Variants in CLN8 observed in about 807,000 individuals in gnomAD.
The protein encoded by CLN8 is CLN8 transmembrane ER and ERGIC protein.
Under a neutral mutation model 15.7 loss-of-function variants are expected in CLN8, and 14 were observed. The observed-to-expected ratio is 0.89, with a 90% CI of 0.59 to 1.39. CLN8 has a LOEUF of 1.39. CLN8 is among the 40% of genes most tolerant of loss of function. CLN8 has a pLI of 0.00. For missense variants in CLN8, 415 were observed against 364.0 expected (o/e 1.14, Z -1.14); for synonymous variants, 188 against 151.0 (o/e 1.25, Z -1.80).
At chr8:1,759,539 G>C (rs374989608), upstream of CLN8, 8 of 152,178 alleles carry the variant, frequency 5.3e-5, no homozygotes, top group African/African-American at 1.9e-4. Flanking sequence ...CAGGGGCGGG[G>C]AACTGTCACT....
chr8:1,755,821 T>C (rs2130943343), exon 1 of CLN8: 1 of 152,302 alleles, frequency 6.6e-6, no homozygotes, highest in South Asian at 2.1e-4. Flanking sequence ...ATGAGTCAGC[T>C]CCGCTTGTCC....
chr8:1,763,352 T>C (rs1294720226), upstream of CLN8: 1 of 86,422 alleles, frequency 1.2e-5, no homozygotes, highest in Admixed American at 1.4e-4. Flanking sequence ...CCGCCGGCCG[T>C]GGTTCAGCGC....
At chr8:1,774,488 G>C (rs986735716) in intron 2 of CLN8, among the ~76,000 whole-genome samples, 1 of 152,146 alleles carries the variant, frequency 6.6e-6, no homozygotes, top group African/African-American at 2.4e-5. Context: ...ATAGATTCTT[G>C]CATAGTAGTA....
chr8:1,769,303 G>A (rs1174570161), intron 1 of CLN8, among the ~76,000 whole-genome samples: 2 of 152,204 alleles, frequency 1.3e-5, no homozygotes, highest in African/African-American at 2.4e-5. Flanking sequence ...TCCTTGGGGT[G>A]TGGTCACAGC....
rs573279536 is a variant in CLN8, at chr8:1,770,879, G to T, written c.-123-53G>T. On this transcript the variant is annotated intron_variant, in intron 1 of 2. Transcript: ENST00000331222. ...TTAATGTTTGCGTTACTGGGGTAGT[G>T]ATGTGTCCTTGTTTCTATCGAGTCA... 2.8e-5 allele frequency: 18 copies of T among 644,792 alleles called. No homozygotes were observed. The African/African-American group carries it at 3.2e-4, about 12-fold the overall frequency. 39.9% of individuals were successfully genotyped at this position (644,792 alleles called of 1,614,324 possible).
chr8:1,779,309 C>T (rs1047218219), intron 2 of CLN8, among the ~76,000 whole-genome samples: 1 of 152,206 alleles, frequency 6.6e-6, no homozygotes, highest in Non-Finnish European at 1.5e-5. Flanking sequence ...GTGGCACGAT[C>T]TCAGCTCAGT....
At chr8:1,756,652 C>T (rs1370211029) in intron 1 of CLN8, among the ~76,000 whole-genome samples, 1 of 150,852 alleles carries the variant, frequency 6.6e-6, no homozygotes, top group Non-Finnish European at 1.5e-5. Context: ...AGTGATTATA[C>T]CTCTCTCTAG....
At chr8:1,759,207 C>T (rs1022378201), upstream of CLN8, 7 of 152,190 alleles carry the variant, frequency 4.6e-5, no homozygotes, top group Non-Finnish European at 1.0e-4. Flanking sequence ...CACTTCCCAT[C>T]ACGGTCTGAA....
At chr8:1,755,623 G>T (rs888692199), upstream of CLN8, among the ~76,000 whole-genome samples, 3 of 152,138 alleles carry the variant, frequency 2.0e-5, no homozygotes, top group African/African-American at 7.2e-5. Flanking sequence ...CTGCCCAGAG[G>T]GCTGGGGGTT....
intron 2 of CLN8, among the ~76,000 whole-genome samples, chr8:1,777,649 C>G (rs189698078): frequency 6.6e-6 from 1 of 151,884 alleles, no homozygotes; most frequent in African/African-American, 2.4e-5. Context: ...ATCTAAGATG[C>G]AAATACACAT....
rs1801827538 is a variant in CLN8, at chr8:1,786,214, GGGAGGGGCTGCAGGA to G, written c.*5655_*5669del. On this transcript the variant is annotated 3_prime_UTR_variant, in exon 3 of 3. Transcript: ENST00000331222. ...TCCCAGGACAGGAGGCCTGCCCTGG[GGGAGGGGCTGCAGGA>G]GGAGGGGGGGCAGGCACCCATGAGT... The G allele has an allele frequency of 6.6e-6, 1 of 152,668 alleles. No homozygotes were observed. Among genetic ancestry groups the G allele is most frequent in the South Asian group, 2.1e-4 (1 of 4,842 alleles). The allele number at this position is 152,668 out of a possible 1,614,324, so 9.5% of individuals were successfully genotyped here.
chr8:1,765,197 C>A (rs1199363028), intron 1 of CLN8: 1 of 152,248 alleles, frequency 6.6e-6, no homozygotes, highest in Non-Finnish European at 1.5e-5. Flanking sequence ...TAACGAGGAA[C>A]TGGGCAAAAG....
chr8:1,767,937 TTTTC>T (rs1291646844), intron 1 of CLN8, among the ~76,000 whole-genome samples: 4 of 151,064 alleles, frequency 2.6e-5, no homozygotes, highest in African/African-American at 4.8e-5. Flanking sequence ...AAGAAACTTG[TTTTC>T]TTTCTTTCTT....
At chr8:1,777,547 C>G (rs1315783466) in intron 2 of CLN8, among the ~76,000 whole-genome samples, 1 of 152,182 alleles carries the variant, frequency 6.6e-6, no homozygotes, top group Non-Finnish European at 1.5e-5. Context: ...TAGCTTAAAA[C>G]ACAAATACAT....
chr8:1,775,685 C>T (rs1220890882), intron 2 of CLN8, among the ~76,000 whole-genome samples: 2 of 152,166 alleles, frequency 1.3e-5, no homozygotes, highest in African/African-American at 4.8e-5. Context: ...ACTGAGCTCG[C>T]GAGAGTCTGG....
chr8:1,769,610 G>A (rs1049759237), intron 1 of CLN8, among the ~76,000 whole-genome samples: 14 of 152,150 alleles, frequency 9.2e-5, no homozygotes, highest in East Asian at 3.8e-4. Flanking sequence ...GTCGGTAGCC[G>A]TTCCTATGTC....
upstream of CLN8, chr8:1,760,552 A>G (rs1400490937): frequency 6.6e-6 from 1 of 152,218 alleles, no homozygotes; most frequent in Non-Finnish European, 1.5e-5. Flanking sequence ...GGCCGAGTGG[A>G]AAGACACAGT....
Position 1,782,721 on chromosome 8 carries a change from A to G in CLN8, c.*2154A>G, listed in dbSNP as rs1801738089. The G allele has an allele frequency of 2.0e-5, 3 of 152,234 alleles. No homozygotes were observed. Among genetic ancestry groups the G allele is most frequent in the Non-Finnish European group, 4.4e-5 (3 of 68,036 alleles). 9.4% of individuals were successfully genotyped at this position (152,234 alleles called of 1,614,324 possible). ...CCCAAATGATGTCTTCCTCTCTCTC[A>G]AAATAAACTAACCTATTCATATTGC... On this transcript the variant is annotated 3_prime_UTR_variant, in exon 3 of 3. Coordinates refer to ENST00000331222, the MANE Select transcript of CLN8 (RefSeq NM_018941.4).
intron 1 of CLN8, among the ~76,000 whole-genome samples, chr8:1,757,089 C>A (rs974296275): frequency 2.0e-5 from 3 of 152,150 alleles, no homozygotes; most frequent in African/African-American, 7.2e-5. Flanking sequence ...TTTGGGGCAG[C>A]GGAAAGTCCA....
Sources: gnomAD v4.1 joint callset for allele counts (sites outside exome capture counted in the v4.1 genomes callset) on GRCh38, gnomAD v4.1.1 for gene constraint, MANE v1.5 for transcripts, NCBI Gene and HGNC (gene_info 2026-07-23, HGNC 2026-07-21) for gene names.